Variants in CYB5B observed in about 807,000 individuals in gnomAD.
CYB5B encodes cytochrome b5 type B.
Under a neutral mutation model 21.3 loss-of-function variants are expected in CYB5B, and 14 were observed. The ratio of observed to expected loss-of-function variants is 0.66; its 90% CI spans 0.43 to 1.03. The LOEUF is 1.03. CYB5B is among the 50% of genes least tolerant of loss of function. The pLI, the probability that CYB5B is intolerant of heterozygous loss-of-function variation, is 0.00. For synonymous variants in CYB5B, 69 were observed against 68.4 expected (o/e 1.01, Z -0.04); for missense variants, 166 against 185.1 (o/e 0.90, Z 0.60).
At position 69,453,699 on chromosome 16, in the gene CYB5B, C is replaced by T. The variant is rs150174765; in HGVS notation, c.334-5394C>T. On this transcript the variant is annotated intron_variant, in intron 3 of 4. Coordinates refer to ENST00000307892, the MANE Select transcript of CYB5B (RefSeq NM_030579.3). The stretch of plus-strand genomic sequence containing the variant: ...TCAGCCTTCTGAGTAGCTGGGATTA[C>T]AGGCGCCTACCACCACGCCTGGCTA... 2.1e-3 allele frequency among the ~76,000 whole-genome samples: 313 copies of T among 152,242 alleles called. 1 individual carries two copies. Among genetic ancestry groups the T allele is most frequent in the African/African-American group, 6.8e-3 (283 of 41,528 alleles).
intron 3 of CYB5B, among the ~76,000 whole-genome samples, chr16:69,457,118 CAT>C (rs1292708408): frequency 6.6e-6 from 1 of 152,076 alleles, no homozygotes; most frequent in African/African-American, 2.4e-5. Context: ...CAAAGAACAC[CAT>C]ATGTTTTAAG....
intron 1 of CYB5B, among the ~76,000 whole-genome samples, chr16:69,436,538 T>C (rs2014762042): frequency 6.6e-6 from 1 of 152,204 alleles, no homozygotes; most frequent in African/African-American, 2.4e-5. Flanking sequence ...TTTCCTCCTG[T>C]TCACCCCCCA....
chr16:69,446,955 T>C (rs2014884508), intron 1 of CYB5B, among the ~76,000 whole-genome samples, 195 bp from the exon 2 acceptor site: 1 of 152,234 alleles, frequency 6.6e-6, no homozygotes, highest in African/African-American at 2.4e-5. Flanking sequence ...GTAATCCCCA[T>C]ATGATGCATT....
chr16:69,448,199 T>C, intron 3 of CYB5B, 55 bp downstream of exon 3: 2 of 1,575,566 alleles, frequency 1.3e-6, no homozygotes, highest in East Asian at 2.2e-5. Context: ...CAAGTAGGAC[T>C]GCTTTTTGAA....
chr16:69,455,801 G>A (rs2014978636), intron 3 of CYB5B, among the ~76,000 whole-genome samples: 1 of 152,046 alleles, frequency 6.6e-6, no homozygotes, highest in South Asian at 2.1e-4. Flanking sequence ...GTAGCTGGTG[G>A]AAGAGAGAAA....
At chr16:69,425,618 C>G (rs915872363) in intron 1 of CYB5B, among the ~76,000 whole-genome samples, 2 of 151,992 alleles carry the variant, frequency 1.3e-5, no homozygotes, top group African/African-American at 2.4e-5. Context: ...GTAAATTGTG[C>G]CTATCTAAAA....
intron 1 of CYB5B, among the ~76,000 whole-genome samples, chr16:69,426,371 C>T (rs2142805881): frequency 1.4e-5 from 2 of 146,844 alleles, no homozygotes; most frequent in South Asian, 4.3e-4. Flanking sequence ...TGCAGTCCAG[C>T]CTGGGGGACC....
chr16:69,454,783 T>A (rs1159720440), intron 3 of CYB5B, among the ~76,000 whole-genome samples: 1 of 152,242 alleles, frequency 6.6e-6, no homozygotes, highest in African/African-American at 2.4e-5. Flanking sequence ...AATGTAGGAA[T>A]TAAAACATAA....
intron 3 of CYB5B, among the ~76,000 whole-genome samples, chr16:69,456,073 A>G (rs1157678031): frequency 3.9e-5 from 6 of 152,150 alleles, no homozygotes; most frequent in African/African-American, 1.4e-4. Flanking sequence ...TAAATATTCT[A>G]TTCAGGTATT....
At position 69,458,098 on chromosome 16, in the gene CYB5B, G is replaced by A. The variant is rs180946867; in HGVS notation, c.334-995G>A. On this transcript the variant is annotated intron_variant, in intron 3 of 4. Transcript: ENST00000307892. ...AGCTGGTTAATGGAATCAATAACTC[G>A]TTTGATACTTGAATTGAGTAAAAAA... Among the ~76,000 whole-genome samples the A allele has an allele frequency of 1.7e-3, 258 of 152,238 alleles. 1 individual carries two copies. Among genetic ancestry groups the A allele is most frequent in the Non-Finnish European group, 3.1e-3 (212 of 67,996 alleles).
chr16:69,425,866 G>C (rs1338685391), intron 1 of CYB5B, among the ~76,000 whole-genome samples: 1 of 152,098 alleles, frequency 6.6e-6, no homozygotes, highest in Non-Finnish European at 1.5e-5. Flanking sequence ...TTAATGACTT[G>C]TGAAAGTTCA....
In CYB5B at chr16:69,463,929, T is replaced by C. The variant is rs1294341221; in HGVS notation, c.*1409T>C. 6.6e-6 allele frequency: 1 copy of C among 152,198 alleles called. No individual in the cohort carries two copies. The highest frequency in any genetic ancestry group is 1.5e-5 in the Non-Finnish European group (1 of 68,026). 9.4% of individuals were successfully genotyped at this position (152,198 alleles called of 1,614,324 possible). A position where few individuals can be genotyped will look rare whatever the true frequency, so the allele number is the denominator to read the frequency against. On this transcript the variant is annotated 3_prime_UTR_variant, in exon 5 of 5. Coordinates refer to ENST00000307892, the MANE Select transcript of CYB5B (RefSeq NM_030579.3). ...TCCCCCATGGAAGCACTTGAGGAAA[T>C]AAATAGTACACTGGCTGTTTTCTGC...
Position 69,462,527 on chromosome 16 carries a change from CT to C in CYB5B, c.*9del. On this transcript the variant is annotated 3_prime_UTR_variant, in exon 5 of 5. Coordinates refer to ENST00000307892, the MANE Select transcript of CYB5B (RefSeq NM_030579.3). ...GGAAAGCAAATCCTCCTGAGGAGGCCTTGCTGAAGTTAGAAAGTGCATCCAC... is the reference window on the plus strand; with the variant it reads ...GGAAAGCAAATCCTCCTGAGGAGGCCTGCTGAAGTTAGAAAGTGCATCCAC... 6.2e-7 allele frequency: 1 copy of C among 1,611,690 alleles called. No homozygotes were observed. The highest frequency in any genetic ancestry group is 8.5e-7 in the Non-Finnish European group (1 of 1,177,986).
Position 69,465,496 on chromosome 16 carries a change from G to A in CYB5B, c.*2976G>A, listed in dbSNP as rs554849562. ...TTTAGATCTCTTCAAGACTGCTTAAGCAAAAACAAAAATCCCTTGGAACCT... is the reference window on the plus strand; with the variant it reads ...TTTAGATCTCTTCAAGACTGCTTAAACAAAAACAAAAATCCCTTGGAACCT... On this transcript the variant is annotated 3_prime_UTR_variant, in exon 5 of 5. Coordinates refer to ENST00000307892, the MANE Select transcript of CYB5B (RefSeq NM_030579.3). 11 of 152,256 alleles carry A rather than the reference G, an allele frequency of 7.2e-5. No homozygotes were observed. The East Asian group carries it at 1.4e-3, about 19-fold the overall frequency. 9.4% of individuals were successfully genotyped at this position (152,256 alleles called of 1,614,324 possible).
rs564825071 is a variant in CYB5B, at chr16:69,458,749, C to T, written c.334-344C>T. Among the ~76,000 whole-genome samples, 25 of 152,210 alleles carry T rather than the reference C, an allele frequency of 1.6e-4. No homozygotes were observed. The East Asian group carries it at 4.6e-3, about 28-fold the overall frequency. On this transcript the variant is annotated intron_variant, in intron 3 of 4. Transcript: ENST00000307892. ...GATGTTAGCTATTGCCAGTGGCAAG[C>T]CCAGCTGAACCAGGTACATCATCAT...
chr16:69,426,444 C>T (rs1248085554), intron 1 of CYB5B, among the ~76,000 whole-genome samples: 5 of 150,520 alleles, frequency 3.3e-5, no homozygotes, highest in Admixed American at 2.0e-4. Context: ...TGGTGGCTCA[C>T]GCCTGTAATC....
At chr16:69,458,295 C>T (rs1348733278) in intron 3 of CYB5B, among the ~76,000 whole-genome samples, 1 of 152,078 alleles carries the variant, frequency 6.6e-6, no homozygotes, top group Non-Finnish European at 1.5e-5. Flanking sequence ...TTTCCATTTC[C>T]CCACAACTCG....
intron 4 of CYB5B, among the ~76,000 whole-genome samples, chr16:69,460,795 A>G (rs2015028007): frequency 2.0e-5 from 3 of 152,228 alleles, no homozygotes; most frequent in South Asian, 2.1e-4. Context: ...TATTCATACA[A>G]TGGAATACTA....
intron 1 of CYB5B, among the ~76,000 whole-genome samples, chr16:69,426,181 C>T (rs773110096): frequency 1.7e-4 from 26 of 151,852 alleles, no homozygotes; most frequent in Non-Finnish European, 2.2e-4. Flanking sequence ...GGGCGGATCA[C>T]GACGTCAGGA....
Sources: gnomAD v4.1 joint callset for allele counts (sites outside exome capture counted in the v4.1 genomes callset) on GRCh38, gnomAD v4.1.1 for gene constraint, MANE v1.5 for transcripts, NCBI Gene and HGNC (gene_info 2026-07-23, HGNC 2026-07-21) for gene names.